Variants in C2orf92 observed in about 807,000 individuals in gnomAD.
C2orf92 encodes the protein chromosome 2 open reading frame 92, also known as uncharacterized protein C2orf92.
chr2:97,683,076 C>CCACA (rs760650490), intron 3 of C2orf92, among the ~76,000 whole-genome samples: 15,124 of 143,028 alleles, frequency 0.11, 837 homozygotes, highest in Middle Eastern at 0.19. Flanking sequence ...CATATAGACT[C>CCACA]CACACACACA....
intron 5 of C2orf92, chr2:97,697,425 T>C (rs908900624): frequency 2.0e-5 from 3 of 152,188 alleles, no homozygotes; most frequent in Non-Finnish European, 4.4e-5. Flanking sequence ...GGTCTACCAT[T>C]GCTGCAGCTC....
chr2:97,693,536 AATC>A (rs1676207794), intron 5 of C2orf92, among the ~76,000 whole-genome samples: 1 of 152,262 alleles, frequency 6.6e-6, no homozygotes, highest in Admixed American at 6.5e-5. Context: ...TTTTGGAACT[AATC>A]ATATGATTCT....
At chr2:97,673,263 T>C (rs1675473796) in intron 1 of C2orf92, among the ~76,000 whole-genome samples, 1 of 152,164 alleles carries the variant, frequency 6.6e-6, no homozygotes, top group African/African-American at 2.4e-5. Context: ...GTTGGGCTCC[T>C]TGCTCCACAT....
chr2:97,679,172 AAG>A (rs922187183), intron 3 of C2orf92, among the ~76,000 whole-genome samples: 2 of 110,468 alleles, frequency 1.8e-5, no homozygotes, highest in Non-Finnish European at 5.0e-5. Flanking sequence ...CACTTGACAT[AAG>A]AAAAAAAAAA....
At chr2:97,670,813 C>G (rs1478839995) in intron 1 of C2orf92, 2 of 152,164 alleles carry the variant, frequency 1.3e-5, no homozygotes, top group Non-Finnish European at 2.9e-5. Flanking sequence ...ATCCTCCTAC[C>G]TTGGCCTCCC....
intron 3 of C2orf92, among the ~76,000 whole-genome samples, chr2:97,684,608 GA>G (rs769468418): frequency 1.3e-5 from 2 of 152,082 alleles, no homozygotes; most frequent in Non-Finnish European, 2.9e-5. Context: ...GGCAAAAAGA[GA>G]AAAAATAGCT....
intron 7 of C2orf92, 143 bp from the exon 8 acceptor site, chr2:97,702,526 G>T: frequency 2.5e-6 from 1 of 393,732 alleles, no homozygotes; most frequent in Non-Finnish European, 4.5e-6. Context: ...GAGGCAAAAA[G>T]AATTTCACAG....
At chr2:97,676,433 CA>C (rs1302287547) in intron 3 of C2orf92, among the ~76,000 whole-genome samples, 319 of 31,112 alleles carry the variant, frequency 0.01, no homozygotes, top group African/African-American at 0.042. Flanking sequence ...GACTCCATCT[CA>C]AAAAAAAAAA....
intron 5 of C2orf92, chr2:97,691,084 AG>A (rs1417133828): frequency 2.0e-5 from 3 of 152,366 alleles, no homozygotes; most frequent in Non-Finnish European, 4.4e-5. Flanking sequence ...GCCACAAGAG[AG>A]TACTTGTACT....
chr2:97,676,597 C>T (rs975878423), intron 3 of C2orf92, among the ~76,000 whole-genome samples: 3 of 151,758 alleles, frequency 2.0e-5, no homozygotes, highest in Admixed American at 6.6e-5. Flanking sequence ...ACTAAAAAAA[C>T]GCCCCCCTCC....
chr2:97,679,199 AACT>A (rs911584918), intron 3 of C2orf92, among the ~76,000 whole-genome samples: 9 of 152,158 alleles, frequency 5.9e-5, no homozygotes, highest in Admixed American at 2.6e-4. Context: ...TGGTAAAGGT[AACT>A]ACTAGCTCTA....
In C2orf92 at chr2:97,701,246, A is replaced by T. The variant is rs1190115451; in HGVS notation, c.607A>T (p.Met203Leu). 1.8e-5 allele frequency: 7 copies of T among 398,986 alleles called. No individual in the cohort carries two copies. Among genetic ancestry groups the T allele is most frequent in the Non-Finnish European group, 4.4e-6 (1 of 226,106 alleles). The allele number at this position is 398,986 out of a possible 1,614,324, so 24.7% of individuals were successfully genotyped here. A position where few individuals can be genotyped will look rare whatever the true frequency, so the allele number is the denominator to read the frequency against. The change falls in exon 7 of 8, where the codon ATG becomes TTG. Residue 203 changes from methionine to leucine, a missense_variant. Coordinates refer to ENST00000627399, the MANE Select transcript of C2orf92 (RefSeq NM_001351368.2). Reference protein sequence around the residue: ...IAAVSGVAILMAIVLLLLGLA... With the variant: ...IAAVSGVAILLAIVLLLLGLA... ...CGCCGTCTCAGGGGTGGCCATCCTC[A>T]TGGCCATCGTGCTGTTGCTGCTTGG...
intron 3 of C2orf92, among the ~76,000 whole-genome samples, chr2:97,679,802 A>T (rs1376605510): frequency 1.4e-5 from 2 of 146,432 alleles, no homozygotes; most frequent in Admixed American, 1.4e-4. Context: ...ACGCCATTGC[A>T]CTCCAGCCTG....
At chr2:97,680,185 G>C (rs1027705213) in intron 3 of C2orf92, among the ~76,000 whole-genome samples, 1 of 152,172 alleles carries the variant, frequency 6.6e-6, no homozygotes, top group African/African-American at 2.4e-5. Context: ...TGTAATCCCA[G>C]CTATTTGGGA....
chr2:97,689,044 G>A (rs1332123527), intron 4 of C2orf92, 51 bp downstream of exon 4: 3 of 398,352 alleles, frequency 7.5e-6, no homozygotes, highest in Non-Finnish European at 8.8e-6. Flanking sequence ...ATAGGCCTAT[G>A]TGTTGTCTTA....
In C2orf92 at chr2:97,701,501, C is replaced by A. The variant is rs1310151646; in HGVS notation, c.665+197C>A. ...GGTTTTCGGCACAGCCTGGGTGATT[C>A]TGATGCACAGCCGGGTTTGGGGATC... is the stretch of plus-strand genomic sequence containing the variant. On this transcript the variant is annotated intron_variant, in intron 7 of 7. Transcript: ENST00000627399. 2.6e-5 allele frequency among the ~76,000 whole-genome samples: 4 copies of A among 152,196 alleles called. No individual in the cohort carries two copies. In the East Asian group the frequency reaches 7.7e-4, roughly 29 times the overall value.
At chr2:97,670,572 T>A (rs1169780701) in intron 1 of C2orf92, 1 of 152,136 alleles carries the variant, frequency 6.6e-6, no homozygotes, top group South Asian at 2.1e-4. Context: ...CTATTTATTG[T>A]TATTATTTTT....
At chr2:97,679,072 C>T (rs1007689120) in intron 3 of C2orf92, among the ~76,000 whole-genome samples, 1 of 150,932 alleles carries the variant, frequency 6.6e-6, no homozygotes, top group Non-Finnish European at 1.5e-5. Flanking sequence ...AGAAACAGAA[C>T]ATTTTCAGGT....
At chr2:97,681,779 A>G (rs918168009) in intron 3 of C2orf92, among the ~76,000 whole-genome samples, 11 of 151,452 alleles carry the variant, frequency 7.3e-5, no homozygotes, top group African/African-American at 2.4e-4. Context: ...AATGGCATGA[A>G]CCCAGGAGGC....
Sources: allele counts gnomAD v4.1 joint callset (sites outside exome capture counted in the v4.1 genomes callset), GRCh38; gene constraint gnomAD v4.1.1; transcripts MANE v1.5; gene names NCBI Gene and HGNC (gene_info 2026-07-23, HGNC 2026-07-21).